BCAS3: variants seen among roughly 807,000 people sequenced by gnomAD.
The protein encoded by BCAS3 is BCAS4/BCAS3 fusion.
In BCAS3, 53 loss-of-function variants were observed where a neutral mutation model predicts 116.1. The ratio of observed to expected loss-of-function variants is 0.46; its 90% CI spans 0.37 to 0.57. The LOEUF (loss-of-function observed/expected upper bound fraction) is 0.57. Among genes scored for constraint, BCAS3 ranks in the 20% least tolerant of loss-of-function variants. BCAS3 has a pLI of 0.00. For synonymous variants in BCAS3, 391 were observed against 408.2 expected (o/e 0.96, Z 0.51); for missense variants, 917 against 1,165.4 (o/e 0.79, Z 3.10).
intron 22 of BCAS3, among the ~76,000 whole-genome samples, chr17:61,297,080 G>A (rs900566407): frequency 2.6e-5 from 4 of 152,202 alleles, no homozygotes; most frequent in Admixed American, 6.5e-5. Flanking sequence ...ATTATTTATC[G>A]AAGTGAGGAG....
intron 14 of BCAS3, among the ~76,000 whole-genome samples, chr17:60,975,216 T>C (rs1450522295): frequency 1.3e-5 from 2 of 151,682 alleles, no homozygotes; most frequent in African/African-American, 2.4e-5. Context: ...TTAGCCAGGA[T>C]GGTCTCGATC....
At chr17:60,679,364 T>C in intron 1 of BCAS3, 89 bp from the exon 2 acceptor site, 1 of 883,510 alleles carries the variant, frequency 1.1e-6, no homozygotes. Flanking sequence ...ACAAGGGATC[T>C]CTAGTGAGTA....
chr17:60,999,266 G>A (rs1274762653), intron 15 of BCAS3, among the ~76,000 whole-genome samples: 1 of 151,978 alleles, frequency 6.6e-6, no homozygotes, highest in Non-Finnish European at 1.5e-5. Context: ...CAGGTCAGGC[G>A]CGGTGGCTCA....
intron 14 of BCAS3, among the ~76,000 whole-genome samples, chr17:60,981,221 G>A (rs1424218369): frequency 6.6e-6 from 1 of 151,964 alleles, no homozygotes; most frequent in Admixed American, 6.6e-5. Context: ...AGGTGATCTC[G>A]ATTAAGAGTC....
intron 7 of BCAS3, among the ~76,000 whole-genome samples, chr17:60,856,714 AT>A (rs1175888353): frequency 2.3e-4 from 35 of 152,024 alleles, no homozygotes; most frequent in African/African-American, 8.5e-4. Context: ...AAAATTATAG[AT>A]TCATTTAGAT....
chr17:61,035,372 C>T (rs987035442), intron 17 of BCAS3, among the ~76,000 whole-genome samples: 5 of 151,934 alleles, frequency 3.3e-5, no homozygotes, highest in Non-Finnish European at 7.4e-5. Context: ...ATCACGAGGT[C>T]GGGAGATCGA....
At chr17:60,721,180 TAA>T (rs2039200815) in intron 5 of BCAS3, among the ~76,000 whole-genome samples, 1 of 152,044 alleles carries the variant, frequency 6.6e-6, no homozygotes, top group African/African-American at 2.4e-5. Context: ...GGGAGTAATA[TAA>T]AGTTAGTGAT....
In BCAS3 at chr17:60,807,934, G is replaced by A. The variant is rs115245371; in HGVS notation, c.404-70G>A. 7.5e-4 allele frequency: 793 copies of A among 1,058,888 alleles called. 2 individuals carry two copies. In the African/African-American group the frequency reaches 9.4e-3, roughly 13 times the overall value. 65.6% of individuals were successfully genotyped at this position (1,058,888 alleles called of 1,614,324 possible). A position where few individuals can be genotyped will look rare whatever the true frequency, so the allele number is the denominator to read the frequency against. On this transcript the variant is annotated intron_variant, in intron 6 of 23. Transcript: ENST00000407086. ...CTTCTCCTTTTCAAGTATTTTGAAA[G>A]CATGAAAATAGTGGGAATTATACAA...
intron 14 of BCAS3, among the ~76,000 whole-genome samples, chr17:60,971,310 G>A (rs754939379): frequency 4.8e-4 from 73 of 152,214 alleles, no homozygotes; most frequent in African/African-American, 1.7e-3. Context: ...ATTAGGAGGC[G>A]GCGAACTTTT....
intron 6 of BCAS3, among the ~76,000 whole-genome samples, chr17:60,773,287 CTTTT>C (rs1210680882): frequency 2.2e-5 from 2 of 91,996 alleles, no homozygotes; most frequent in Non-Finnish European, 4.2e-5. Flanking sequence ...TCTTCAGGTC[CTTTT>C]TTTTTTTTTT....
rs998783273 is a variant in BCAS3, at chr17:61,364,029, A to G, written c.2426-4298A>G. On this transcript the variant is annotated intron_variant, in intron 22 of 23. Coordinates refer to ENST00000407086, the MANE Select transcript of BCAS3 (RefSeq NM_017679.5). The surrounding 1 kb of genome is among the most constrained non-coding windows in gnomAD (Gnocchi z 5.4). The stretch of plus-strand genomic sequence containing the variant: ...CAGGAGCACCTTTGCTGTCCTCAGC[A>G]AAGAGGCTACGAGGTGTGGAAGGGA... 7.9e-5 allele frequency among the ~76,000 whole-genome samples: 12 copies of G among 152,210 alleles called. No homozygotes were observed. The highest frequency in any genetic ancestry group is 2.7e-4 in the African/African-American group (11 of 41,460).
Position 61,329,392 on chromosome 17 carries a change from G to GCGGAC in BCAS3, c.2426-38935_2426-38934insCGGAC, listed in dbSNP as rs1310111853. ...GTCTCGCTCTGTCGCCCAGGCCGGA[G>GCGGAC]TGCAGTGGCGCGATCTCGGCTCACT... On this transcript the variant is annotated intron_variant, in intron 22 of 23. Coordinates refer to ENST00000407086, the MANE Select transcript of BCAS3 (RefSeq NM_017679.5). Among the ~76,000 whole-genome samples the GCGGAC allele has an allele frequency of 4.0e-5, 6 of 149,150 alleles. No individual in the cohort carries two copies. In the Admixed American group the frequency reaches 4.0e-4, roughly 10 times the overall value.
At chr17:61,154,036 G>A (rs2077690686) in intron 22 of BCAS3, among the ~76,000 whole-genome samples, 3 of 152,204 alleles carry the variant, frequency 2.0e-5, no homozygotes. Context: ...GTTTAGTGAA[G>A]GGAAGCAAGG....
At chr17:60,795,003 A>C (rs2047090293) in intron 6 of BCAS3, among the ~76,000 whole-genome samples, 1 of 152,018 alleles carries the variant, frequency 6.6e-6, no homozygotes, top group South Asian at 2.1e-4. Flanking sequence ...TAGTATGGTC[A>C]TTTTCACAAT....
At chr17:60,820,234 A>AT (rs1380450014) in intron 7 of BCAS3, among the ~76,000 whole-genome samples, 1 of 151,922 alleles carries the variant, frequency 6.6e-6, no homozygotes, top group Non-Finnish European at 1.5e-5. Flanking sequence ...CGCCCGGCTA[A>AT]TTTTTTGTAT....
rs916506479 is a variant in BCAS3, at chr17:61,381,239, G to T, written c.2594-10738G>T. On this transcript the variant is annotated intron_variant, in intron 23 of 23. Coordinates refer to ENST00000407086, the MANE Select transcript of BCAS3 (RefSeq NM_017679.5). This position sits in a 1 kb window ranked among gnomAD's most constrained non-coding sequence, Gnocchi z 6.0. ...ACACCAAAGTGGAATTGCATTTCTA[G>T]ATTTGTTATTCCTCCTGGAGGAGCA... Among the ~76,000 whole-genome samples, 1 of 152,182 alleles carries T rather than the reference G, an allele frequency of 6.6e-6. No homozygotes were observed. Among genetic ancestry groups the T allele is most frequent in the Non-Finnish European group, 1.5e-5 (1 of 68,028 alleles).
rs1189233703 is a variant in BCAS3, at chr17:60,973,585, TAATATATA to T, written c.1222-16385_1222-16378del. Among the ~76,000 whole-genome samples the T allele has an allele frequency of 7.9e-5, 10 of 127,208 alleles. No individual in the cohort carries two copies. The South Asian group carries it at 2.2e-3, about 28-fold the overall frequency. 83.5% of individuals were successfully genotyped at this position (127,208 alleles called of 152,430 possible). A position where few individuals can be genotyped will look rare whatever the true frequency, so the allele number is the denominator to read the frequency against. ...CTAGACATTGCTATTACCTTATTAT[TAATATATA>T]TATATATATATATATGTATGAAGGA... On this transcript the variant is annotated intron_variant, in intron 14 of 23. Transcript: ENST00000407086.
chr17:61,069,239 GTA>G (rs2071053899), intron 19 of BCAS3, among the ~76,000 whole-genome samples: 1 of 152,156 alleles, frequency 6.6e-6, no homozygotes. Context: ...AAAGGGAAGA[GTA>G]ATAAAGCTAC....
At position 61,282,383 on chromosome 17, in the gene BCAS3, C is replaced by T. The variant is rs903057312; in HGVS notation, c.2426-85944C>T. On this transcript the variant is annotated intron_variant, in intron 22 of 23. Transcript: ENST00000407086. The surrounding 1 kb of genome is among the most constrained non-coding windows in gnomAD (Gnocchi z 5.9). ...TGGGCCTCTGGTGAAAGGTTCTCCC[C>T]AAGTGTCCAAACTAGTACCTTTTAA... Among the ~76,000 whole-genome samples, 22 of 152,136 alleles carry T rather than the reference C, an allele frequency of 1.4e-4. No homozygotes were observed. Among genetic ancestry groups the T allele is most frequent in the Non-Finnish European group, 8.8e-5 (6 of 68,038 alleles).
Sources: allele counts gnomAD v4.1 joint callset (sites outside exome capture counted in the v4.1 genomes callset), GRCh38; gene constraint gnomAD v4.1.1; non-coding constraint Gnocchi (gnomAD v3.1); transcripts MANE v1.5; gene names NCBI Gene and HGNC (gene_info 2026-07-23, HGNC 2026-07-21).